Variants in IL18RAP observed in about 807,000 individuals in gnomAD.
The protein encoded by IL18RAP is interleukin 18 receptor accessory protein.
A neutral mutation model predicts 58.1 loss-of-function variants in IL18RAP; 37 were observed. The observed-to-expected ratio is 0.64, with a 90% CI of 0.49 to 0.84. The LOEUF is 0.84. IL18RAP is among the 40% of genes least tolerant of loss of function. The probability of loss-of-function intolerance (pLI) is 0.00; values close to 1 mark genes in which losing one functional copy is unlikely to be tolerated. For missense variants in IL18RAP, 667 were observed against 704.8 expected (o/e 0.95, Z 0.61); for synonymous variants, 268 against 257.5 (o/e 1.04, Z -0.39).
In IL18RAP at chr2:102,451,983, GC is replaced by G; in HGVS notation, c.1605del (p.Thr536GlnfsTer7). The G allele has an allele frequency of 6.2e-7, 1 of 1,614,114 alleles. No individual in the cohort carries two copies. The highest frequency in any genetic ancestry group is 8.5e-7 in the Non-Finnish European group (1 of 1,180,022). On this transcript the variant is annotated frameshift_variant, in exon 10 of 10. Transcript: ENST00000687160. LOFTEE classifies it low-confidence loss of function (END_TRUNC). The stretch of plus-strand genomic sequence containing the variant: ...TCGTGAAAAAAGCTCTCAGGGTTTT[GC>G]CCACAGTTACTTGGAGAGGCTTAAA... ...HLVKKALRVLPTVTWRGLKSV... is the reference protein window; with the variant it reads ...HLVKKALRVLXTVTWRGLKSV...
chr2:102,443,062 A>G (rs1683199998), intron 5 of IL18RAP, 138 bp from the exon 6 acceptor site: 1 of 765,408 alleles, frequency 1.3e-6, no homozygotes, highest in African/African-American at 1.7e-5. Flanking sequence ...TAGACGTTTC[A>G]TTATTTCTGG....
At chr2:102,441,444 G>C (rs981735756) in intron 5 of IL18RAP, 67 bp downstream of exon 5, 1 of 1,222,334 alleles carries the variant, frequency 8.2e-7, no homozygotes, top group Admixed American at 1.8e-5. Flanking sequence ...TGTGATAGAA[G>C]GAAAACAGCA....
chr2:102,439,223 T>G (rs1404955657), intron 4 of IL18RAP: 3 of 152,216 alleles, frequency 2.0e-5, no homozygotes. Context: ...CCTTGTTTGC[T>G]GGGTCGGAAG....
At chr2:102,430,666 T>A (rs1464668811) in intron 3 of IL18RAP, among the ~76,000 whole-genome samples, 1 of 152,152 alleles carries the variant, frequency 6.6e-6, no homozygotes, top group Non-Finnish European at 1.5e-5. Context: ...TCTTGATGGC[T>A]TTCTTTGGTG....
chr2:102,423,118 T>A (rs559392123), upstream of IL18RAP: 2 of 727,236 alleles, frequency 2.8e-6, no homozygotes, highest in African/African-American at 1.8e-5. Context: ...AAGCTTCCTG[T>A]GTGAGATGCA....
intron 3 of IL18RAP, among the ~76,000 whole-genome samples, chr2:102,429,504 T>C (rs1476544010): frequency 6.6e-6 from 1 of 151,940 alleles, no homozygotes; most frequent in Non-Finnish European, 1.5e-5. Flanking sequence ...TTTTTAGTTT[T>C]TTCAGTAAAC....
intron 4 of IL18RAP, among the ~76,000 whole-genome samples, chr2:102,441,079 T>C (rs1160832373): frequency 6.6e-6 from 1 of 152,154 alleles, no homozygotes; most frequent in Non-Finnish European, 1.5e-5. Flanking sequence ...CAAGCAGATA[T>C]GGATCAATTA....
intron 1 of IL18RAP, 106 bp downstream of exon 1, chr2:102,423,453 C>A: frequency 1.0e-6 from 1 of 976,174 alleles, no homozygotes; most frequent in Non-Finnish European, 1.6e-6. Context: ...CAAACCTTTC[C>A]ATCCTACTAT....
At chr2:102,427,050 C>T (rs1681995923) in intron 3 of IL18RAP, among the ~76,000 whole-genome samples, 1 of 152,090 alleles carries the variant, frequency 6.6e-6, no homozygotes, top group Non-Finnish European at 1.5e-5. Flanking sequence ...AGCATAGCTT[C>T]CAAGTTTATT....
Position 102,447,195 on chromosome 2 carries a change from C to G in IL18RAP, c.1198C>G (p.Gln400Glu), listed in dbSNP as rs2104380873. ...GTACCGGACCTACCAGAGCAAGGAT[C>G]AGACGCTTGGGGGTAAGTTTACCTC... ...LLYRTYQSKD[Q>E]TLGDKKDFDA... Residue 400 changes from glutamine (Q) to glutamate (E), a missense_variant, in exon 8 of 10, where the codon CAG becomes GAG. Gln to Glu is a conservative substitution (Grantham distance 29). Transcript: ENST00000687160. 1 of 1,613,658 alleles carries G rather than the reference C, an allele frequency of 6.2e-7. No homozygotes were observed. The highest frequency in any genetic ancestry group is 8.5e-7 in the Non-Finnish European group (1 of 1,179,752).
chr2:102,446,499 A>C (rs1683425646), intron 7 of IL18RAP, among the ~76,000 whole-genome samples: 1 of 151,988 alleles, frequency 6.6e-6, no homozygotes, highest in Admixed American at 6.6e-5. Flanking sequence ...TATTATTCTT[A>C]TGCCTTTGCG....
intron 7 of IL18RAP, among the ~76,000 whole-genome samples, chr2:102,446,725 C>T (rs889403940): frequency 2.0e-5 from 3 of 148,686 alleles, no homozygotes; most frequent in African/African-American, 7.5e-5. Flanking sequence ...GGCGTGAACC[C>T]GGGAGGCGGA....
At chr2:102,428,379 GT>G (rs57882228) in intron 3 of IL18RAP, among the ~76,000 whole-genome samples, 31,947 of 145,870 alleles carry the variant, frequency 0.22, 3,708 homozygotes, top group East Asian at 0.41. Context: ...CCTTTTGTTA[GT>G]TTTTTTTTTT....
intron 6 of IL18RAP, among the ~76,000 whole-genome samples, chr2:102,444,413 A>T (rs1449895916): frequency 1.3e-5 from 2 of 152,156 alleles, no homozygotes; most frequent in Non-Finnish European, 2.9e-5. Flanking sequence ...CCCATTGATA[A>T]TCTATGGATA....
chr2:102,421,571 C>T (rs934085624), upstream of IL18RAP, among the ~76,000 whole-genome samples: 1 of 152,208 alleles, frequency 6.6e-6, no homozygotes, highest in African/African-American at 2.4e-5. Flanking sequence ...ATTGCTGATC[C>T]TGCCTTGTTC....
Position 102,423,810 on chromosome 2 carries a change from G to A in IL18RAP, c.71-1G>A. ...TGTGCTTTGTTTATTATGATTTTCAGGTTGTTCCACAAAAAAACTCCTTTG... is the reference window on the plus strand; with the variant it reads ...TGTGCTTTGTTTATTATGATTTTCAAGTTGTTCCACAAAAAAACTCCTTTG... On this transcript the variant is annotated splice_acceptor_variant, in intron 1 of 9. Coordinates refer to ENST00000687160, the MANE Select transcript of IL18RAP (RefSeq NM_001393487.1). LOFTEE classifies it high-confidence loss of function. 6.2e-7 allele frequency: 1 copy of A among 1,605,832 alleles called. No homozygotes were observed. The highest frequency in any genetic ancestry group is 8.5e-7 in the Non-Finnish European group (1 of 1,173,490).
intron 4 of IL18RAP, chr2:102,440,540 G>A (rs1683039291): frequency 6.6e-6 from 1 of 152,230 alleles, no homozygotes; most frequent in Admixed American, 6.6e-5. Flanking sequence ...AAGTGAGGCT[G>A]GGATATAAGG....
At chr2:102,441,011 G>A (rs1683070650) in intron 4 of IL18RAP, among the ~76,000 whole-genome samples, 1 of 152,190 alleles carries the variant, frequency 6.6e-6, no homozygotes, top group Non-Finnish European at 1.5e-5. Flanking sequence ...TGTGGGAAAA[G>A]ACAGGGATAG....
In IL18RAP at chr2:102,445,250, C is replaced by A; in HGVS notation, c.982C>A (p.Gln328Lys). 6.2e-7 allele frequency: 1 copy of A among 1,614,056 alleles called. No homozygotes were observed. ...TAATATCATCTTGGAAAAAGTCACTCAGCGTGATCTTCGCAGGAAGTTTGT... is the reference window on the plus strand; with the variant it reads ...TAATATCATCTTGGAAAAAGTCACTAAGCGTGATCTTCGCAGGAAGTTTGT... ...ERNIILEKVTQRDLRRKFVCF... is the reference protein window; with the variant it reads ...ERNIILEKVTKRDLRRKFVCF... The change falls in exon 7 of 10, where the codon CAG becomes AAG. Residue 328 changes from glutamine (Q) to lysine (K), a missense_variant. Physicochemically the swap from Gln to Lys is moderately conservative, Grantham distance 53. Coordinates refer to ENST00000687160, the MANE Select transcript of IL18RAP (RefSeq NM_001393487.1).
Sources: allele counts gnomAD v4.1 joint callset (sites outside exome capture counted in the v4.1 genomes callset), GRCh38; gene constraint gnomAD v4.1.1; transcripts MANE v1.5; gene names NCBI Gene and HGNC (gene_info 2026-07-23, HGNC 2026-07-21).